CACNA1H: variants seen among roughly 807,000 people sequenced by gnomAD.
The protein encoded by CACNA1H is calcium voltage-gated channel subunit alpha1 H.
Under a neutral mutation model 192.5 loss-of-function variants are expected in CACNA1H, and 149 were observed. That is an observed-to-expected ratio of 0.77 (90% CI 0.68 to 0.89). The LOEUF is 0.89. CACNA1H is among the 40% of genes least tolerant of loss of function. CACNA1H has a pLI of 0.00. For missense variants in CACNA1H, 4,257 were observed against 3,423.5 expected, an observed-to-expected ratio of 1.24 and a Z score of -6.08; for synonymous variants, 2,202 against 1,475.2, an observed-to-expected ratio of 1.49 and a Z score of -11.29.
At chr16:1,190,543 C>G (rs892667082) in intron 2 of CACNA1H, among the ~76,000 whole-genome samples, 3 of 152,260 alleles carry the variant, frequency 2.0e-5, no homozygotes, top group African/African-American at 7.2e-5. Flanking sequence ...GTACATCTGG[C>G]AGTCCCTCTC....
At chr16:1,189,803 C>T (rs1261692611) in intron 2 of CACNA1H, among the ~76,000 whole-genome samples, 3 of 151,988 alleles carry the variant, frequency 2.0e-5, no homozygotes, top group East Asian at 3.9e-4. Context: ...GACAGGGCCC[C>T]ACCACCGAGG....
chr16:1,209,922 TGGA>T, intron 17 of CACNA1H, 110 bp from the exon 18 acceptor site: 1 of 765,614 alleles, frequency 1.3e-6, no homozygotes, highest in Non-Finnish European at 2.1e-6. Context: ...GGAGTGAGGA[TGGA>T]GAAGGCTGAG....
At position 1,215,856 on chromosome 16, in the gene CACNA1H, TGGAGAGCCAGA is replaced by T. The variant is rs753990595; in HGVS notation, c.5244+266_5244+276del. Among the ~76,000 whole-genome samples the T allele has an allele frequency of 5.2e-3, 786 of 152,082 alleles. 3 individuals carry two copies. The highest frequency in any genetic ancestry group is 8.2e-3 in the Non-Finnish European group (556 of 67,928). ...GGTGCACTTCCAGAGGCGGGGGCCG[TGGAGAGCCAGA>T]GGGATGCAGGCAGAGGGCAGCAGGT... On this transcript the variant is annotated intron_variant, in intron 30 of 34. Coordinates refer to ENST00000348261, the MANE Select transcript of CACNA1H (RefSeq NM_021098.3).
Position 1,207,038 on chromosome 16 carries a change from C to T in CACNA1H, c.2827C>T (p.Leu943=). The part of the protein sequence containing the change: ...GMHLFGCKFS[L]KTDTGDTVPD... ...GCACCTTTTCGGCTGCAAGTTCAGCCTGAAGACAGACACCGGAGACACCGT... is the reference window on the plus strand; with the variant it reads ...GCACCTTTTCGGCTGCAAGTTCAGCTTGAAGACAGACACCGGAGACACCGT... The change falls in exon 13 of 35, where the codon CTG becomes TTG. Residue 943 remains leucine, a synonymous_variant. Transcript: ENST00000348261. The T allele has an allele frequency of 6.2e-7, 1 of 1,600,946 alleles. No homozygotes were observed.
At chr16:1,197,110 C>G (rs188011163) in intron 5 of CACNA1H, among the ~76,000 whole-genome samples, 21 of 152,216 alleles carry the variant, frequency 1.4e-4, no homozygotes, top group Admixed American at 1.0e-3. Context: ...GGGTCATCCT[C>G]GTGCCGCTGG....
At chr16:1,159,312 C>G (rs1258496445) in intron 2 of CACNA1H, among the ~76,000 whole-genome samples, 1 of 151,656 alleles carries the variant, frequency 6.6e-6, no homozygotes, top group South Asian at 2.1e-4. Context: ...GGCACAGGAG[C>G]CTGTGCGGGA....
At position 1,206,303 on chromosome 16, in the gene CACNA1H, C is replaced by A. The variant is rs58507166; in HGVS notation, c.2789+14C>A. ...TTTCATCTTCAGGTGGGCGCAACCC[C>A]CCTCCCGGCCCGCCCAGTGTCTCAC... On this transcript the variant is annotated intron_variant, in intron 12 of 34. Coordinates refer to ENST00000348261, the MANE Select transcript of CACNA1H (RefSeq NM_021098.3). 6.5e-7 allele frequency: 1 copy of A among 1,547,244 alleles called. No homozygotes were observed. Among genetic ancestry groups the A allele is most frequent in the Non-Finnish European group, 8.7e-7 (1 of 1,145,646 alleles).
Position 1,218,211 on chromosome 16 carries a change from A to G in CACNA1H, c.5447A>G (p.Asp1816Gly), listed in dbSNP as rs912224468. 2.6e-6 allele frequency: 4 copies of G among 1,548,328 alleles called. No individual in the cohort carries two copies. In the African/African-American group the frequency reaches 5.5e-5, roughly 21 times the overall value. ...GCCCACAGCTGTCCCCCACCGCAGG[A>G]CACGCTGCGCGAGTGCTCCCGTGAG... ...TGDNWNGIMK[D>G]TLRECSREDK... is the part of the protein sequence containing the mutation. Residue 1816 changes from aspartate to glycine, a missense_variant and splice_region_variant, in exon 33 of 35, where the codon GAC becomes GGC. By Grantham distance (94) the Asp-to-Gly change is moderately conservative. Coordinates refer to ENST00000348261, the MANE Select transcript of CACNA1H (RefSeq NM_021098.3).
rs1968806083 is a variant in CACNA1H at position 1,206,986 on chromosome 16, T to C, written c.2790-15T>C. On this transcript the variant is annotated splice_polypyrimidine_tract_variant and intron_variant, in intron 12 of 34. Transcript: ENST00000348261. ...CCTGCCTCCACCCTCAACACGCCCC[T>C]GCCCCCACCCTCAGCATCCTGGGCA... The C allele has an allele frequency of 2.3e-6, 3 of 1,301,934 alleles. No individual in the cohort carries two copies. The highest frequency in any genetic ancestry group is 2.0e-6 in the Non-Finnish European group (2 of 984,110). 80.6% of individuals were successfully genotyped at this position (1,301,934 alleles called of 1,614,324 possible).
At chr16:1,185,669 A>G (rs868204051) in intron 2 of CACNA1H, among the ~76,000 whole-genome samples, 349 of 9,334 alleles carry the variant, frequency 0.037, 36 homozygotes, top group Non-Finnish European at 0.12. Context: ...TAGGGGCCGG[A>G]GGCGGGGTGT....
chr16:1,218,178 G>A (rs975029752), intron 32 of CACNA1H, 32 bp from the exon 33 acceptor site: 6 of 1,541,480 alleles, frequency 3.9e-6, no homozygotes, highest in African/African-American at 1.4e-5. Context: ...GGGTGGGTGT[G>A]GACCCCGGCC....
intron 3 of CACNA1H, 46 bp from the exon 4 acceptor site, chr16:1,195,386 C>T: frequency 6.5e-7 from 1 of 1,548,806 alleles, no homozygotes; most frequent in African/African-American, 1.4e-5. Flanking sequence ...GGGTTGTGGG[C>T]TGAGCTGAGC....
chr16:1,208,410 G>A (rs1053455648), intron 16 of CACNA1H, among the ~76,000 whole-genome samples, 189 bp downstream of exon 16: 5 of 152,174 alleles, frequency 3.3e-5, no homozygotes, highest in East Asian at 3.8e-4. Flanking sequence ...GTGTGAGGCC[G>A]GTGTGAAGGG....
chr16:1,184,533 A>G (rs908653162), intron 2 of CACNA1H, among the ~76,000 whole-genome samples: 1 of 152,230 alleles, frequency 6.6e-6, no homozygotes, highest in Non-Finnish European at 1.5e-5. Flanking sequence ...GGGAGGAGGC[A>G]CGGATGCCGC....
chr16:1,157,193 C>G (rs540014286), intron 2 of CACNA1H: 2 of 152,068 alleles, frequency 1.3e-5, no homozygotes, highest in Non-Finnish European at 1.5e-5. Context: ...TCGGTCCCTG[C>G]GAGAGCGAGG....
At position 1,220,722 on chromosome 16, in the gene CACNA1H, C is replaced by G. The variant is rs1428272050; in HGVS notation, c.6790C>G (p.Pro2264Ala). Residue 2264 changes from proline (P) to alanine (A), a missense_variant, in exon 35 of 35, where the codon CCC becomes GCC. Pro to Ala is a conservative substitution (Grantham distance 27). Coordinates refer to ENST00000348261, the MANE Select transcript of CACNA1H (RefSeq NM_021098.3). ...ASCRAEHLTV[P>A]SFAFEPLDLG... ...CTGCCGGGCTGAGCACCTGACCGTCCCCAGCTTTGCCTTTGAGCCGCTGGA... is the reference window on the plus strand; with the variant it reads ...CTGCCGGGCTGAGCACCTGACCGTCGCCAGCTTTGCCTTTGAGCCGCTGGA... 1.2e-6 allele frequency: 2 copies of G among 1,612,208 alleles called. No individual in the cohort carries two copies. The highest frequency in any genetic ancestry group is 2.7e-5 in the African/African-American group (2 of 74,896).
Position 1,212,539 on chromosome 16 carries a change from T to C in CACNA1H, c.4777+11T>C, listed in dbSNP as rs763690761. The stretch of plus-strand genomic sequence containing the variant: ...CTTTCCCCAGCCCAGGTACCGGCCC[T>C]GTCCCGCATGCCTCAGGCCCCGCTT... On this transcript the variant is annotated intron_variant, in intron 26 of 34. Coordinates refer to ENST00000348261, the MANE Select transcript of CACNA1H (RefSeq NM_021098.3). The C allele has an allele frequency of 1.7e-5, 28 of 1,609,924 alleles. No homozygotes were observed. Among genetic ancestry groups the C allele is most frequent in the Non-Finnish European group, 5.9e-6 (7 of 1,178,780 alleles).
intron 2 of CACNA1H, among the ~76,000 whole-genome samples, chr16:1,172,653 C>G (rs892507605): frequency 2.0e-5 from 3 of 152,224 alleles, no homozygotes; most frequent in African/African-American, 7.2e-5. Flanking sequence ...AGCCGCTTTC[C>G]CATAACCGGC....
chr16:1,195,187 G>A (rs560028704), intron 3 of CACNA1H, 104 bp downstream of exon 3: 2 of 955,212 alleles, frequency 2.1e-6, no homozygotes, highest in Non-Finnish European at 3.2e-6. Flanking sequence ...GGTGGGGCGT[G>A]GAGTGGGTCA....
Sources: gnomAD v4.1 joint callset for allele counts (sites outside exome capture counted in the v4.1 genomes callset) on GRCh38, gnomAD v4.1.1 for gene constraint, MANE v1.5 for transcripts, NCBI Gene and HGNC (gene_info 2026-07-23, HGNC 2026-07-21) for gene names.